Variants in RAD51 observed in about 807,000 individuals in gnomAD.
RAD51 encodes DNA repair protein RAD51 homolog 1.
RAD51 carries 14 observed loss-of-function variants against 41.5 expected under a neutral mutation model. The observed-to-expected ratio is 0.34, with a 90% confidence interval of 0.22 to 0.53. The LOEUF is 0.53. Ranked by LOEUF, RAD51 falls within the 20% of genes least tolerant of loss-of-function variation. The pLI is 0.95. For synonymous variants in RAD51, 136 were observed against 148.6 expected, an observed-to-expected ratio of 0.92 and a Z score of 0.62; for missense variants, 234 against 422.0, an observed-to-expected ratio of 0.55 and a Z score of 3.90.
chr15:40,698,677 G>A (rs1247871891), intron 1 of RAD51, 80 bp from the exon 2 acceptor site: 4 of 1,341,148 alleles, frequency 3.0e-6, no homozygotes, highest in East Asian at 2.3e-5. Flanking sequence ...TTTTTGATAC[G>A]ACTAGCTAGA....
chr15:40,701,515 C>T lies in RAD51; in HGVS notation c.225+314C>T, dbSNP rs45623631. The stretch of plus-strand genomic sequence containing the variant: ...TCAGCCTCCCAAGTAGCTGGGACTA[C>T]ACTACAGGCACATGCCACCATGCCG... On this transcript the variant is annotated intron_variant, in intron 3 of 9. Coordinates refer to ENST00000267868, the MANE Select transcript of RAD51 (RefSeq NM_002875.5). 7.2e-3 allele frequency among the ~76,000 whole-genome samples: 1,085 copies of T among 151,668 alleles called. 5 individuals are homozygous for T. The highest frequency in any genetic ancestry group is 0.012 in the Non-Finnish European group (808 of 67,886).
chr15:40,699,589 G>A (rs1894858022), intron 2 of RAD51, among the ~76,000 whole-genome samples: 1 of 152,238 alleles, frequency 6.6e-6, no homozygotes, highest in South Asian at 2.1e-4. Flanking sequence ...CCTGGCCAAA[G>A]CATCCTGTGC....
chr15:40,714,346 C>A (rs1331295593), intron 5 of RAD51, among the ~76,000 whole-genome samples: 2 of 152,136 alleles, frequency 1.3e-5, no homozygotes, highest in African/African-American at 2.4e-5. Flanking sequence ...TGATATGTGA[C>A]CTTTTTAAAT....
At chr15:40,718,670 C>T in intron 5 of RAD51, 135 bp from the exon 6 acceptor site, 1 of 761,134 alleles carries the variant, frequency 1.3e-6, no homozygotes, top group Non-Finnish European at 2.3e-6. Flanking sequence ...AAGGGAATGC[C>T]TCCTTCCTAC....
At chr15:40,710,241 C>T (rs1444040642) in intron 5 of RAD51, among the ~76,000 whole-genome samples, 1 of 44,310 alleles carries the variant, frequency 2.3e-5, no homozygotes. Flanking sequence ...GACTCTGTCT[C>T]AAAAAAAAAA....
chr15:40,717,970 G>A (rs1896068035), intron 5 of RAD51, among the ~76,000 whole-genome samples: 1 of 152,142 alleles, frequency 6.6e-6, no homozygotes, highest in Non-Finnish European at 1.5e-5. Context: ...GGTGGCTCAC[G>A]CCTGTAATCC....
intron 1 of RAD51, 87 bp downstream of exon 1, chr15:40,695,512 C>G (rs1176017457): frequency 1.3e-5 from 2 of 152,044 alleles, no homozygotes; most frequent in Non-Finnish European, 2.9e-5. Flanking sequence ...TGCTCAGCGG[C>G]AGTTGGGGCC....
rs71104728 is a variant in RAD51 at position 40,710,241 on chromosome 15, CAAAAAAAAAAA to C, written c.435+1144_435+1154del. Among the ~76,000 whole-genome samples the C allele has an allele frequency of 8.6e-4, 38 of 44,302 alleles. No individual in the cohort carries two copies. In the East Asian group the frequency reaches 1.0e-2, roughly 12 times the overall value. 29.1% of individuals were successfully genotyped at this position (44,302 alleles called of 152,430 possible). A position where few individuals can be genotyped will look rare whatever the true frequency, so the allele number is the denominator to read the frequency against. ...TGGGCGACAGAGCGAGACTCTGTCT[CAAAAAAAAAAA>C]AAAAAAAAAAAAAAAAAAGAAGAAG... is the stretch of plus-strand genomic sequence containing the variant. On this transcript the variant is annotated intron_variant, in intron 5 of 9. Transcript: ENST00000267868.
At chr15:40,707,265 G>T (rs1895408722) in intron 4 of RAD51, among the ~76,000 whole-genome samples, 1 of 145,856 alleles carries the variant, frequency 6.9e-6, no homozygotes, top group Non-Finnish European at 1.5e-5. Flanking sequence ...CCAAAGTGCT[G>T]GGATTATAGG....
At chr15:40,723,852 T>C (rs1328478267) in intron 6 of RAD51, among the ~76,000 whole-genome samples, 1 of 152,178 alleles carries the variant, frequency 6.6e-6, no homozygotes, top group African/African-American at 2.4e-5. Context: ...AGTTTGTAAG[T>C]TTCTATATCA....
chr15:40,706,060 C>T, intron 3 of RAD51, 117 bp from the exon 4 acceptor site: 2 of 721,696 alleles, frequency 2.8e-6, no homozygotes. Context: ...TTTCTCTTCC[C>T]ATTGCACACC....
intron 6 of RAD51, among the ~76,000 whole-genome samples, chr15:40,728,371 C>T (rs770557174): frequency 6.6e-6 from 1 of 151,850 alleles, no homozygotes; most frequent in African/African-American, 2.4e-5. Flanking sequence ...GCAGGAGAAT[C>T]GCGTGAACCC....
chr15:40,710,840 C>A (rs534233922), intron 5 of RAD51, among the ~76,000 whole-genome samples: 58 of 152,276 alleles, frequency 3.8e-4, no homozygotes, highest in Non-Finnish European at 6.6e-4. Context: ...CATCTCCTGC[C>A]ACCTTCTCAA....
intron 3 of RAD51, among the ~76,000 whole-genome samples, chr15:40,702,905 C>T (rs1254529572): frequency 1.3e-5 from 2 of 151,788 alleles, no homozygotes; most frequent in African/African-American, 4.8e-5. Context: ...CTCACTGCAG[C>T]TTCAGCTTCA....
chr15:40,720,560 A>G (rs1385253010), intron 6 of RAD51, among the ~76,000 whole-genome samples: 3 of 152,190 alleles, frequency 2.0e-5, no homozygotes, highest in Non-Finnish European at 2.9e-5. Context: ...TGCTAATGAC[A>G]TGGTGCCATA....
intron 1 of RAD51, among the ~76,000 whole-genome samples, chr15:40,697,290 G>A (rs1567035832): frequency 6.6e-6 from 1 of 152,118 alleles, no homozygotes; most frequent in East Asian, 1.9e-4. Flanking sequence ...CTTTAATAGA[G>A]ACAGGATTTC....
intron 2 of RAD51, among the ~76,000 whole-genome samples, chr15:40,700,613 G>T (rs1313114862): frequency 6.6e-6 from 1 of 152,054 alleles, no homozygotes; most frequent in Non-Finnish European, 1.5e-5. Context: ...TAATGTACAT[G>T]GCTTAGTGCT....
At chr15:40,724,092 A>T (rs1896415995) in intron 6 of RAD51, among the ~76,000 whole-genome samples, 3 of 152,312 alleles carry the variant, frequency 2.0e-5, no homozygotes, top group Admixed American at 2.0e-4. Flanking sequence ...GAGAACTGCA[A>T]CCTATTGAAT....
At chr15:40,706,084 A>G in intron 3 of RAD51, 93 bp from the exon 4 acceptor site, 2 of 885,416 alleles carry the variant, frequency 2.3e-6, no homozygotes, top group Non-Finnish European at 1.8e-6. Context: ...TTTTACTAAT[A>G]TTTCTTTTTT....
Sources: gnomAD v4.1 joint callset for allele counts (sites outside exome capture counted in the v4.1 genomes callset) on GRCh38, gnomAD v4.1.1 for gene constraint, MANE v1.5 for transcripts, NCBI Gene and HGNC (gene_info 2026-07-23, HGNC 2026-07-21) for gene names.